RSPO2: variants seen among roughly 807,000 people sequenced by gnomAD.
RSPO2 encodes R-spondin 2, also known as R-spondin-2.
RSPO2 carries 14 observed loss-of-function variants against 30.9 expected under a neutral mutation model. The observed-to-expected ratio is 0.45, with a 90% CI of 0.30 to 0.71. The LOEUF (loss-of-function observed/expected upper bound fraction) is 0.71. Among genes scored for constraint, RSPO2 ranks in the 30% least tolerant of loss-of-function variants. The probability of loss-of-function intolerance (pLI) is 0.08; values close to 1 mark genes in which losing one functional copy is unlikely to be tolerated. For synonymous variants in RSPO2, 107 were observed against 96.4 expected, an observed-to-expected ratio of 1.11 and a Z score of -0.64; for missense variants, 264 against 301.9, an observed-to-expected ratio of 0.87 and a Z score of 0.93.
intron 5 of RSPO2, among the ~76,000 whole-genome samples, chr8:107,945,241 CTTTTTTTTTT>C (rs754722790): frequency 6.9e-4 from 52 of 74,836 alleles, no homozygotes; most frequent in Non-Finnish European, 1.8e-4. Flanking sequence ...ATTCTTTTAC[CTTTTTTTTTT>C]TTTTTTTTTT....
At chr8:108,006,641 G>A (rs189500320) in intron 2 of RSPO2, among the ~76,000 whole-genome samples, 396 of 151,458 alleles carry the variant, frequency 2.6e-3, no homozygotes, top group Non-Finnish European at 4.6e-3. Flanking sequence ...AAGAAAGAAG[G>A]ATAAATGTCT....
intron 2 of RSPO2, among the ~76,000 whole-genome samples, chr8:108,042,723 G>A (rs575605350): frequency 9.9e-5 from 15 of 152,188 alleles, no homozygotes; most frequent in South Asian, 2.1e-4. Flanking sequence ...ATGGCTTTAC[G>A]GCTGGGGCAA....
chr8:107,926,426 T>C (rs1340747292), intron 5 of RSPO2, among the ~76,000 whole-genome samples: 1 of 152,148 alleles, frequency 6.6e-6, no homozygotes, highest in South Asian at 2.1e-4. Context: ...TTTGTCAATT[T>C]TGGCTTTTGT....
chr8:108,011,981 T>C (rs941687531), intron 2 of RSPO2, among the ~76,000 whole-genome samples: 2 of 152,114 alleles, frequency 1.3e-5, no homozygotes, highest in Admixed American at 6.6e-5. Context: ...TTTGTGTCAT[T>C]TAAGCCTCCA....
chr8:107,960,648 TGAGA>T, intron 4 of RSPO2, 22 bp downstream of exon 4: 1 of 1,599,532 alleles, frequency 6.3e-7, no homozygotes, highest in Non-Finnish European at 8.5e-7. Flanking sequence ...AGTTGCAGAT[TGAGA>T]GTTACATTAA....
intron 5 of RSPO2, among the ~76,000 whole-genome samples, chr8:107,908,106 G>A (rs546938327): frequency 5.9e-5 from 9 of 152,222 alleles, no homozygotes; most frequent in East Asian, 1.9e-4. Flanking sequence ...TTACCAGTAC[G>A]GTTTCCTGCA....
intron 5 of RSPO2, among the ~76,000 whole-genome samples, chr8:107,954,725 C>A (rs1324977566): frequency 6.6e-6 from 1 of 152,134 alleles, no homozygotes. Flanking sequence ...ACTCTCCTGC[C>A]TCAGCCTCCT....
At chr8:108,011,011 T>C (rs1204242799) in intron 2 of RSPO2, among the ~76,000 whole-genome samples, 2 of 151,434 alleles carry the variant, frequency 1.3e-5, no homozygotes, top group African/African-American at 4.9e-5. Context: ...TGCACATCTA[T>C]AGTCCCAGCT....
At chr8:107,953,569 T>A (rs914957364) in intron 5 of RSPO2, among the ~76,000 whole-genome samples, 1 of 152,120 alleles carries the variant, frequency 6.6e-6, no homozygotes. Flanking sequence ...TGGTTAAAAG[T>A]TGGGAAGTTT....
Position 107,900,784 on chromosome 8 carries a change from C to G in RSPO2, c.*291G>C. 1 of 295,310 alleles carries G rather than the reference C, an allele frequency of 3.4e-6. No homozygotes were observed. The allele number at this position is 295,310 out of a possible 1,614,324, so 18.3% of individuals were successfully genotyped here. ...CACAAGTCCGTCCTCCAGCGGTGTTCTGCAGCCTCACACCTCTAGCATGTC... is the reference window on the plus strand; with the variant it reads ...CACAAGTCCGTCCTCCAGCGGTGTTGTGCAGCCTCACACCTCTAGCATGTC... On this transcript the variant is annotated 3_prime_UTR_variant, in exon 6 of 6. Coordinates refer to ENST00000276659, the MANE Select transcript of RSPO2 (RefSeq NM_178565.5).
At chr8:108,066,663 T>A (rs562171173) in intron 2 of RSPO2, among the ~76,000 whole-genome samples, 13 of 152,304 alleles carry the variant, frequency 8.5e-5, no homozygotes, top group South Asian at 2.1e-4. Context: ...TCATCTGCTT[T>A]ACCTGGAAGA....
chr8:107,901,100 A>C lies in RSPO2; in HGVS notation c.707T>G (p.Leu236Arg), dbSNP rs1274451054. 1.2e-6 allele frequency: 2 copies of C among 1,613,984 alleles called. No homozygotes were observed. Among genetic ancestry groups the C allele is most frequent in the Admixed American group, 1.7e-5 (1 of 59,980 alleles). The change falls in exon 6 of 6, where the codon CTA becomes CGA. Residue 236 changes from leucine to arginine, a missense_variant. Transcript: ENST00000276659. ...TTATTGGTTAGCTCTGTCTGTAGCT[A>C]GGAAGACGCTGTGTTGCTCCTGGGC... ...ERAQEQHSVF[L>R]ATDRANQ
intron 2 of RSPO2, among the ~76,000 whole-genome samples, chr8:108,054,849 C>T (rs967333198): frequency 1.3e-5 from 2 of 152,162 alleles, no homozygotes; most frequent in African/African-American, 2.4e-5. Context: ...CAGGGTGGCT[C>T]ATGCCTCTAA....
At chr8:108,071,003 C>G (rs975694944) in intron 2 of RSPO2, among the ~76,000 whole-genome samples, 1 of 152,060 alleles carries the variant, frequency 6.6e-6, no homozygotes, top group Non-Finnish European at 1.5e-5. Flanking sequence ...TAGGTCCAGC[C>G]TGTCACATTT....
intron 5 of RSPO2, among the ~76,000 whole-genome samples, chr8:107,927,782 T>A (rs889328086): frequency 2.0e-5 from 3 of 152,026 alleles, no homozygotes; most frequent in Non-Finnish European, 4.4e-5. Flanking sequence ...TTTGATGTAC[T>A]GCTGGATTCG....
At chr8:108,031,274 A>G (rs1179027789) in intron 2 of RSPO2, among the ~76,000 whole-genome samples, 1 of 152,210 alleles carries the variant, frequency 6.6e-6, no homozygotes, top group Non-Finnish European at 1.5e-5. Flanking sequence ...TTGCATCTCT[A>G]ATGGATCACC....
chr8:107,964,999 G>A (rs1402636155), intron 3 of RSPO2, among the ~76,000 whole-genome samples: 2 of 152,134 alleles, frequency 1.3e-5, no homozygotes, highest in African/African-American at 2.4e-5. Context: ...AAACCTCTAT[G>A]TAAATCTTAT....
chr8:107,959,615 T>C (rs1813552961), intron 4 of RSPO2, among the ~76,000 whole-genome samples: 3 of 152,208 alleles, frequency 2.0e-5, no homozygotes, highest in Admixed American at 1.3e-4. Flanking sequence ...ACTCTATTTA[T>C]AATATGCTTA....
chr8:108,057,055 C>CAAAAAAAAAA lies in RSPO2; in HGVS notation c.94+25480_94+25489dup, dbSNP rs56727719. Among the ~76,000 whole-genome samples the CAAAAAAAAAA allele has an allele frequency of 4.2e-3, 152 of 36,094 alleles. 8 individuals are homozygous for CAAAAAAAAAA. The highest frequency in any genetic ancestry group is 6.0e-3 in the Non-Finnish European group (119 of 19,952). 23.7% of individuals were successfully genotyped at this position (36,094 alleles called of 152,430 possible). ...CTGGCAACAGAGTGAGACTCTGTCT[C>CAAAAAAAAAA]AAAAAAAAAAAAAAAAAAAAAAAAA... On this transcript the variant is annotated intron_variant, in intron 2 of 5. Transcript: ENST00000276659.
Sources: gnomAD v4.1 joint callset for allele counts (sites outside exome capture counted in the v4.1 genomes callset) on GRCh38, gnomAD v4.1.1 for gene constraint, MANE v1.5 for transcripts, NCBI Gene and HGNC (gene_info 2026-07-23, HGNC 2026-07-21) for gene names.